The following SRGAP2B variants were observed in gnomAD, a reference collection of about 807,000 sequenced individuals.
The protein encoded by SRGAP2B is SLIT-ROBO Rho GTPase activating protein 2B.
Under a neutral mutation model 22.2 loss-of-function variants are expected in SRGAP2B, and 9 were observed. The ratio of observed to expected loss-of-function variants is 0.41; its 90% confidence interval spans 0.24 to 0.71. SRGAP2B has a LOEUF of 0.71. Ranked by LOEUF, SRGAP2B falls within the 30% of genes least tolerant of loss-of-function variation. SRGAP2B has a pLI of 0.35. For synonymous variants in SRGAP2B, 36 were observed against 87.4 expected (o/e 0.41, Z 3.28); for missense variants, 114 against 235.8 (o/e 0.48, Z 3.38).
chr1:144,958,010 CA>C (rs1449788465), intron 3 of SRGAP2B, among the ~76,000 whole-genome samples: 1 of 149,692 alleles, frequency 6.7e-6, no homozygotes, highest in Admixed American at 6.6e-5. Context: ...TTCAATTCCA[CA>C]AATGTACACA....
At chr1:145,058,717 G>A (rs868920686) in intron 2 of SRGAP2B, among the ~76,000 whole-genome samples, 25 of 84,262 alleles carry the variant, frequency 3.0e-4, no homozygotes, top group African/African-American at 7.0e-4. Context: ...TCTGCCTCCC[G>A]GGTTCAAGCA....
chr1:144,958,292 T>C (rs1470049214), intron 3 of SRGAP2B, among the ~76,000 whole-genome samples: 1 of 150,954 alleles, frequency 6.6e-6, no homozygotes, highest in Non-Finnish European at 1.5e-5. Flanking sequence ...TGAACAAAGA[T>C]GGGTCAATAA....
intron 3 of SRGAP2B, among the ~76,000 whole-genome samples, chr1:144,988,999 C>CTTTT (rs3062880): frequency 3.6e-5 from 2 of 55,078 alleles, no homozygotes; most frequent in Non-Finnish European, 6.0e-5. Context: ...ACTCCCCCCA[C>CTTTT]TTTTTTTTTT....
intron 2 of SRGAP2B, among the ~76,000 whole-genome samples, chr1:145,059,008 A>G (rs1270338907): frequency 3.1e-4 from 43 of 136,798 alleles, no homozygotes; most frequent in South Asian, 5.1e-4. Context: ...CTTGCTAATA[A>G]AGTTACTGCC....
chr1:145,040,381 CTT>C (rs1649084510), intron 2 of SRGAP2B, among the ~76,000 whole-genome samples: 2 of 136,698 alleles, frequency 1.5e-5, no homozygotes, highest in South Asian at 5.1e-4. Context: ...CAGATATACT[CTT>C]GTCTCCTACC....
chr1:145,026,760 G>T (rs1647794898), intron 2 of SRGAP2B, among the ~76,000 whole-genome samples: 1 of 145,082 alleles, frequency 6.9e-6, no homozygotes, highest in Non-Finnish European at 1.5e-5. Context: ...TTCCCCATGA[G>T]TCTTACGAGA....
intron 2 of SRGAP2B, among the ~76,000 whole-genome samples, chr1:144,995,824 A>C (rs1413468173): frequency 7.9e-5 from 12 of 151,098 alleles, no homozygotes; most frequent in Non-Finnish European, 1.3e-4. Context: ...AAAACAAAAG[A>C]AGCACAAGAA....
intron 5 of SRGAP2B, among the ~76,000 whole-genome samples, chr1:144,906,329 T>G (rs1382238526): frequency 6.7e-6 from 1 of 149,008 alleles, no homozygotes; most frequent in Non-Finnish European, 1.5e-5. Flanking sequence ...CATGTATTAT[T>G]TATTTCTATT....
intron 2 of SRGAP2B, among the ~76,000 whole-genome samples, chr1:145,045,241 G>T (rs587771639): frequency 8.5e-6 from 1 of 117,320 alleles, no homozygotes; most frequent in African/African-American, 3.5e-5. Flanking sequence ...AGCTTGCAGC[G>T]AGCCGAGATC....
At chr1:144,997,566 C>T (rs1187292370) in intron 2 of SRGAP2B, among the ~76,000 whole-genome samples, 2 of 150,004 alleles carry the variant, frequency 1.3e-5, no homozygotes, top group Non-Finnish European at 2.9e-5. Flanking sequence ...CTGTAATGCA[C>T]TTAAGAATTT....
At position 144,964,646 on chromosome 1, in the gene SRGAP2B, T is replaced by A. The variant is rs369544158; in HGVS notation, c.261-9045A>T. ...CCATCTACACTCTGTGGAAAGCGCC[T>A]TGAACTATGCTTAAGACACAGAGTC... On this transcript the variant is annotated intron_variant, in intron 3 of 9. Coordinates refer to ENST00000612199, the Ensembl canonical transcript of SRGAP2B. 4.4e-4 allele frequency among the ~76,000 whole-genome samples: 66 copies of A among 151,286 alleles called. 4 individuals carry two copies. Among genetic ancestry groups the A allele is most frequent in the African/African-American group, 1.6e-3 (64 of 40,674 alleles).
intron 3 of SRGAP2B, among the ~76,000 whole-genome samples, chr1:144,964,466 T>C (rs1667912385): frequency 6.6e-6 from 1 of 150,722 alleles, no homozygotes; most frequent in Admixed American, 6.6e-5. Flanking sequence ...GCTTGTGTAC[T>C]CTAAATTACA....
intron 2 of SRGAP2B, among the ~76,000 whole-genome samples, chr1:145,008,850 TA>T (rs1164818413): frequency 7.3e-6 from 1 of 136,934 alleles, no homozygotes; most frequent in African/African-American, 2.9e-5. Context: ...TGGTTAAGTT[TA>T]AAAAAACAAA....
chr1:145,076,126 C>T (rs587652543), intron 2 of SRGAP2B, among the ~76,000 whole-genome samples: 1 of 150,252 alleles, frequency 6.7e-6, no homozygotes, highest in South Asian at 2.1e-4. Context: ...TGTATCTTCC[C>T]TAGTAAGATG....
chr1:144,934,296 C>T (rs587717184), intron 4 of SRGAP2B, among the ~76,000 whole-genome samples: 3 of 146,574 alleles, frequency 2.0e-5, no homozygotes, highest in South Asian at 2.2e-4. Flanking sequence ...CCCAGCTACT[C>T]GGGAGGCTGA....
intron 2 of SRGAP2B, among the ~76,000 whole-genome samples, chr1:145,088,453 TA>T (rs67689376): frequency 0.075 from 9,882 of 131,982 alleles, 521 homozygotes; most frequent in Non-Finnish European, 0.11. Flanking sequence ...CCTAAGACAT[TA>T]AAAAAAAAAA....
At chr1:144,956,144 A>C (rs1357789512) in intron 3 of SRGAP2B, among the ~76,000 whole-genome samples, 5 of 150,494 alleles carry the variant, frequency 3.3e-5, no homozygotes, top group Non-Finnish European at 5.9e-5. Flanking sequence ...CTAGGGTTAG[A>C]AACCAAAGTT....
intron 3 of SRGAP2B, among the ~76,000 whole-genome samples, chr1:144,967,233 A>G (rs1668154213): frequency 8.0e-6 from 1 of 124,644 alleles, no homozygotes; most frequent in Non-Finnish European, 1.6e-5. Flanking sequence ...TTGACCACGT[A>G]GTTGGAAGTA....
intron 2 of SRGAP2B, among the ~76,000 whole-genome samples, chr1:145,015,870 C>T (rs1672381143): frequency 1.7e-5 from 1 of 60,508 alleles, no homozygotes; most frequent in South Asian, 7.0e-4. Context: ...GGAATTGTTC[C>T]TAAGAGCAAT....
Sources: gnomAD v4.1 joint callset for allele counts (sites outside exome capture counted in the v4.1 genomes callset) on GRCh38, gnomAD v4.1.1 for gene constraint, MANE v1.5 for transcripts, NCBI Gene and HGNC (gene_info 2026-07-23, HGNC 2026-07-21) for gene names.